Variants in PTPRM observed in about 807,000 individuals in gnomAD.
PTPRM encodes the protein protein tyrosine phosphatase receptor type M.
Under a neutral mutation model 186.7 loss-of-function variants are expected in PTPRM, and 47 were observed. The observed-to-expected ratio is 0.25, with a 90% CI of 0.20 to 0.32. The LOEUF (loss-of-function observed/expected upper bound fraction) is 0.32, where lower values mean the gene tolerates loss of function less well. PTPRM is among the 10% of genes least tolerant of loss of function. PTPRM has a pLI of 1.00. For synonymous variants in PTPRM, 668 were observed against 674.9 expected, an observed-to-expected ratio of 0.99 and a Z score of 0.16; for missense variants, 1,494 against 1,865.0, an observed-to-expected ratio of 0.80 and a Z score of 3.66.
At chr18:7,952,091 A>G (rs1245081590) in intron 6 of PTPRM, among the ~76,000 whole-genome samples, 3 of 152,226 alleles carry the variant, frequency 2.0e-5, no homozygotes, top group African/African-American at 7.2e-5. Flanking sequence ...ATATATGCAT[A>G]TATATATCAA....
At chr18:8,204,557 A>G (rs1018410193) in intron 14 of PTPRM, among the ~76,000 whole-genome samples, 5 of 152,076 alleles carry the variant, frequency 3.3e-5, no homozygotes, top group African/African-American at 1.2e-4. Flanking sequence ...AACTGATTCC[A>G]CCTTGAAGGG....
chr18:7,773,570 GTT>G (rs10708698), intron 1 of PTPRM, among the ~76,000 whole-genome samples: 1,403 of 129,038 alleles, frequency 0.011, 7 homozygotes, highest in South Asian at 0.034. Flanking sequence ...TCTTTTCTTT[GTT>G]TTTTTTTTTT....
At chr18:8,054,298 A>AT (rs1555710874) in intron 7 of PTPRM, among the ~76,000 whole-genome samples, 2,589 of 131,542 alleles carry the variant, frequency 0.02, 99 homozygotes, top group African/African-American at 0.041. Context: ...TAGTAGTAGT[A>AT]ATATATATAT....
At chr18:8,340,660 AG>A (rs1183968759) in intron 22 of PTPRM, among the ~76,000 whole-genome samples, 1 of 152,198 alleles carries the variant, frequency 6.6e-6, no homozygotes, top group African/African-American at 2.4e-5. Flanking sequence ...CAGAGCTTGC[AG>A]GCAAGGTTAG....
intron 9 of PTPRM, among the ~76,000 whole-genome samples, chr18:8,084,343 G>A (rs568180158): frequency 2.0e-5 from 3 of 152,238 alleles, no homozygotes; most frequent in Non-Finnish European, 2.9e-5. Context: ...ATCATACAGC[G>A]GTTACATCGC....
At chr18:8,237,030 T>A (rs1464744818) in intron 14 of PTPRM, among the ~76,000 whole-genome samples, 1 of 152,230 alleles carries the variant, frequency 6.6e-6, no homozygotes, top group Non-Finnish European at 1.5e-5. Flanking sequence ...TAATGTTTTG[T>A]TACTTTTTTC....
intron 7 of PTPRM, among the ~76,000 whole-genome samples, chr18:7,987,321 T>C (rs1327446639): frequency 2.0e-5 from 3 of 152,224 alleles, no homozygotes; most frequent in Non-Finnish European, 4.4e-5. Context: ...ATGATGATGT[T>C]AGTGGGTTGA....
intron 7 of PTPRM, among the ~76,000 whole-genome samples, chr18:8,006,201 C>A (rs2084175780): frequency 6.6e-6 from 1 of 152,194 alleles, no homozygotes; most frequent in Admixed American, 6.5e-5. Context: ...AGCTACTGCT[C>A]TGTGATTACT....
intron 17 of PTPRM, among the ~76,000 whole-genome samples, chr18:8,250,683 A>G (rs1012925397): frequency 4.0e-5 from 6 of 151,708 alleles, no homozygotes; most frequent in African/African-American, 7.3e-5. Context: ...CAGCTACTCA[A>G]GAGGCTGAGG....
chr18:8,168,361 T>G (rs2093352470), intron 14 of PTPRM, among the ~76,000 whole-genome samples: 1 of 152,174 alleles, frequency 6.6e-6, no homozygotes, highest in Non-Finnish European at 1.5e-5. Context: ...TGGCAGGGCC[T>G]TATAACATCG....
intron 5 of PTPRM, among the ~76,000 whole-genome samples, chr18:7,948,811 T>G (rs2052731676): frequency 6.6e-6 from 1 of 152,222 alleles, no homozygotes; most frequent in Non-Finnish European, 1.5e-5. Context: ...GAGCTACTTT[T>G]ATTTCCTAGT....
chr18:8,388,260 C>T (rs1038124763), intron 31 of PTPRM, among the ~76,000 whole-genome samples: 2 of 152,212 alleles, frequency 1.3e-5, no homozygotes, highest in African/African-American at 4.8e-5. Flanking sequence ...GCGAATGTCA[C>T]TTTTCAGTGA....
chr18:7,684,408 T>G (rs1045862573), intron 1 of PTPRM, among the ~76,000 whole-genome samples: 1 of 152,212 alleles, frequency 6.6e-6, no homozygotes. Context: ...GTGTACCATA[T>G]GTTATTGTTG....
intron 14 of PTPRM, among the ~76,000 whole-genome samples, chr18:8,177,628 T>G (rs909779940): frequency 6.6e-6 from 1 of 152,190 alleles, no homozygotes; most frequent in African/African-American, 2.4e-5. Context: ...AATTCTTGCC[T>G]CCTCAGAAGA....
intron 23 of PTPRM, among the ~76,000 whole-genome samples, chr18:8,364,642 C>T (rs569020438): frequency 4.6e-5 from 7 of 152,244 alleles, no homozygotes; most frequent in African/African-American, 1.2e-4. Context: ...CTCTTCTCAG[C>T]GGGCCCAAAC....
intron 7 of PTPRM, among the ~76,000 whole-genome samples, chr18:7,964,999 T>C (rs1440578976): frequency 6.6e-6 from 1 of 152,032 alleles, no homozygotes; most frequent in African/African-American, 2.4e-5. Context: ...TTGACACTTT[T>C]AACTTTTTGG....
intron 1 of PTPRM, among the ~76,000 whole-genome samples, chr18:7,573,799 A>G (rs370330567): frequency 1.3e-3 from 204 of 151,774 alleles, no homozygotes; most frequent in African/African-American, 4.8e-3. Context: ...CATGTTGGCC[A>G]TGGCTGGTCT....
At chr18:8,333,870 C>T (rs1050531396) in intron 22 of PTPRM, among the ~76,000 whole-genome samples, 5 of 152,216 alleles carry the variant, frequency 3.3e-5, no homozygotes, top group African/African-American at 1.2e-4. Context: ...CCACACACTC[C>T]CTCCTTCAGG....
chr18:8,234,607 T>C (rs1296751446), intron 14 of PTPRM, among the ~76,000 whole-genome samples: 1 of 152,186 alleles, frequency 6.6e-6, no homozygotes. Context: ...TAACTGAGAC[T>C]TCCAAGAGGA....
Sources: allele counts gnomAD v4.1 joint callset (sites outside exome capture counted in the v4.1 genomes callset), GRCh38; gene constraint gnomAD v4.1.1; transcripts MANE v1.5; gene names NCBI Gene and HGNC (gene_info 2026-07-23, HGNC 2026-07-21).